Variants in ALOX5 observed in about 807,000 individuals in gnomAD.
ALOX5 encodes the protein arachidonate 5-lipoxygenase, also known as polyunsaturated fatty acid 5-lipoxygenase.
In ALOX5, 64 loss-of-function variants were observed where a neutral mutation model predicts 87.9. The observed-to-expected ratio is 0.73, with a 90% confidence interval of 0.60 to 0.90. The LOEUF is 0.90. ALOX5 is among the 40% of genes least tolerant of loss of function. ALOX5 has a pLI of 0.00. For synonymous variants in ALOX5, 388 were observed against 355.1 expected, an observed-to-expected ratio of 1.09 and a Z score of -1.04; for missense variants, 822 against 907.5, an observed-to-expected ratio of 0.91 and a Z score of 1.21.
At chr10:45,415,198 C>T (rs1251013949) in intron 4 of ALOX5, among the ~76,000 whole-genome samples, 1 of 152,132 alleles carries the variant, frequency 6.6e-6, no homozygotes, top group Non-Finnish European at 1.5e-5. Context: ...ATGTCCATCA[C>T]CGATAGACTG....
intron 2 of ALOX5, among the ~76,000 whole-genome samples, chr10:45,390,707 T>C (rs1840188172): frequency 6.6e-6 from 1 of 152,124 alleles, no homozygotes; most frequent in African/African-American, 2.4e-5. Flanking sequence ...TAGAGGGAAA[T>C]TTATAGCACT....
At chr10:45,437,241 T>C (rs1258507643) in intron 7 of ALOX5, among the ~76,000 whole-genome samples, 1 of 152,174 alleles carries the variant, frequency 6.6e-6, no homozygotes, top group Non-Finnish European at 1.5e-5. Context: ...TAATCCCAGC[T>C]ACTTGGGAGG....
At chr10:45,376,039 G>A (rs1310311265) in intron 1 of ALOX5, among the ~76,000 whole-genome samples, 1 of 152,192 alleles carries the variant, frequency 6.6e-6, no homozygotes, top group Admixed American at 6.5e-5. Flanking sequence ...CACATCATAA[G>A]GTTCTAGAAG....
At chr10:45,397,413 A>T (rs79267994) in intron 3 of ALOX5, among the ~76,000 whole-genome samples, 1 of 152,200 alleles carries the variant, frequency 6.6e-6, no homozygotes, top group Non-Finnish European at 1.5e-5. Flanking sequence ...CACAGTTAAC[A>T]TTATACTTAA....
chr10:45,425,967 AC>A lies in ALOX5; in HGVS notation c.834+838del, dbSNP rs1291622120. Among the ~76,000 whole-genome samples, 1 of 152,108 alleles carries A rather than the reference AC, an allele frequency of 6.6e-6. No individual in the cohort carries two copies. Among genetic ancestry groups the A allele is most frequent in the Non-Finnish European group, 1.5e-5 (1 of 68,014 alleles). On this transcript the variant is annotated intron_variant, in intron 6 of 13. Coordinates refer to ENST00000374391, the MANE Select transcript of ALOX5 (RefSeq NM_000698.5). The surrounding 1 kb of genome is among the most constrained non-coding windows in gnomAD (Gnocchi z 4.4). The stretch of plus-strand genomic sequence containing the variant: ...CCCACCTGAATCTAGAGGGCCACCC[AC>A]CCAGCTGAAGTCCCTGGGCAAGTCT...
chr10:45,391,869 GCCCCTCC>G (rs1840283011), intron 2 of ALOX5, among the ~76,000 whole-genome samples: 1 of 141,040 alleles, frequency 7.1e-6, no homozygotes, highest in Non-Finnish European at 1.6e-5. Context: ...GAAGTGAGGA[GCCCCTCC>G]GCCCGGCAGC....
chr10:45,440,290 C>T lies in ALOX5; in HGVS notation c.982-140C>T, dbSNP rs1003091123. Reference sequence around the variant, plus strand: ...GAAATACCACCGCAGGGCCCTTTACCCCCTCCAGGCTCTTCTGATTCCAAA... The same window carrying T: ...GAAATACCACCGCAGGGCCCTTTACTCCCTCCAGGCTCTTCTGATTCCAAA... On this transcript the variant is annotated intron_variant, in intron 7 of 13. Transcript: ENST00000374391. 12 of 854,380 alleles carry T rather than the reference C, an allele frequency of 1.4e-5. No homozygotes were observed. In the South Asian group the frequency reaches 1.7e-4, roughly 12 times the overall value. The allele number at this position is 854,380 out of a possible 1,614,324, so 52.9% of individuals were successfully genotyped here.
At chr10:45,402,854 T>G (rs1244784673) in intron 3 of ALOX5, among the ~76,000 whole-genome samples, 2 of 152,178 alleles carry the variant, frequency 1.3e-5, no homozygotes, top group Non-Finnish European at 2.9e-5. Context: ...TTTGAGTACT[T>G]ACTGTACAAA....
chr10:45,411,661 G>T (rs973528937), intron 3 of ALOX5, among the ~76,000 whole-genome samples: 2 of 152,096 alleles, frequency 1.3e-5, no homozygotes, highest in Non-Finnish European at 2.9e-5. Flanking sequence ...TCTGTGCCTG[G>T]GTCCCTCTCC....
chr10:45,394,203 T>C (rs1191416049), intron 2 of ALOX5, among the ~76,000 whole-genome samples: 1 of 152,282 alleles, frequency 6.6e-6, no homozygotes, highest in East Asian at 1.9e-4. Flanking sequence ...GACTTCAAAC[T>C]ATACTACAAG....
At position 45,444,099 on chromosome 10, in the gene ALOX5, G is replaced by A; in HGVS notation, c.1675-17G>A. On this transcript the variant is annotated splice_polypyrimidine_tract_variant and intron_variant, in intron 12 of 13. Coordinates refer to ENST00000374391, the MANE Select transcript of ALOX5 (RefSeq NM_000698.5). ...GGCTTCGGGGGTGCCCACGCTTGCTGGCGGTCGTCTCCGCAGTACGACTGG... is the reference window on the plus strand; with the variant it reads ...GGCTTCGGGGGTGCCCACGCTTGCTAGCGGTCGTCTCCGCAGTACGACTGG... The A allele has an allele frequency of 6.6e-7, 1 of 1,517,166 alleles. No homozygotes were observed. Among genetic ancestry groups the A allele is most frequent in the Non-Finnish European group, 8.9e-7 (1 of 1,125,280 alleles). 94.0% of individuals were successfully genotyped at this position (1,517,166 alleles called of 1,614,324 possible).
chr10:45,431,748 A>G (rs1416078733), intron 7 of ALOX5, among the ~76,000 whole-genome samples: 1 of 151,762 alleles, frequency 6.6e-6, no homozygotes, highest in Non-Finnish European at 1.5e-5. Context: ...AATTTTTTGT[A>G]TTTTTAGTAG....
chr10:45,388,573 C>G (rs1443464209), intron 2 of ALOX5, among the ~76,000 whole-genome samples: 2 of 152,244 alleles, frequency 1.3e-5, no homozygotes, highest in African/African-American at 4.8e-5. Context: ...GATACTCGGG[C>G]AAACAGGGTC....
chr10:45,444,041 G>C, intron 12 of ALOX5, 75 bp from the exon 13 acceptor site: 1 of 1,473,216 alleles, frequency 6.8e-7, no homozygotes. Flanking sequence ...GGGGCACGGG[G>C]AGGACGGGGC....
intron 4 of ALOX5, among the ~76,000 whole-genome samples, chr10:45,423,343 G>A (rs1488956303): frequency 2.6e-5 from 4 of 152,196 alleles, no homozygotes; most frequent in Non-Finnish European, 5.9e-5. Flanking sequence ...GTGTGTCATG[G>A]TGAACACTGG....
intron 7 of ALOX5, among the ~76,000 whole-genome samples, chr10:45,434,316 C>T (rs1842000141): frequency 6.6e-6 from 1 of 152,206 alleles, no homozygotes; most frequent in Non-Finnish European, 1.5e-5. Context: ...CATACCCAAA[C>T]CCCCAAGGCT....
chr10:45,387,806 T>C (rs1840058122), intron 2 of ALOX5, among the ~76,000 whole-genome samples: 1 of 152,142 alleles, frequency 6.6e-6, no homozygotes, highest in South Asian at 2.1e-4. Context: ...ATGTTGAAAA[T>C]TCACTAATTC....
intron 3 of ALOX5, among the ~76,000 whole-genome samples, chr10:45,408,325 A>G (rs1426221266): frequency 6.6e-6 from 1 of 152,224 alleles, no homozygotes; most frequent in Non-Finnish European, 1.5e-5. Flanking sequence ...ACATCAGTCA[A>G]TACATGTAAG....
chr10:45,429,606 C>T (rs1259891061), intron 7 of ALOX5, among the ~76,000 whole-genome samples: 1 of 152,176 alleles, frequency 6.6e-6, no homozygotes, highest in Non-Finnish European at 1.5e-5. Flanking sequence ...TGTAAACAAA[C>T]CTTCTTTGAA....
Sources: allele counts gnomAD v4.1 joint callset (sites outside exome capture counted in the v4.1 genomes callset), GRCh38; gene constraint gnomAD v4.1.1; non-coding constraint Gnocchi (gnomAD v3.1); transcripts MANE v1.5; gene names NCBI Gene and HGNC (gene_info 2026-07-23, HGNC 2026-07-21).